GRIN2B: variants seen among roughly 807,000 people sequenced by gnomAD.
GRIN2B encodes the protein glutamate ionotropic receptor NMDA type subunit 2B.
A neutral mutation model predicts 114.5 loss-of-function variants in GRIN2B; 5 were observed. That is an observed-to-expected ratio of 0.04 (90% CI 0.02 to 0.09). The LOEUF (loss-of-function observed/expected upper bound fraction) is 0.09, where lower values mean the gene tolerates loss of function less well. Ranked by LOEUF, GRIN2B falls within the 10% of genes least tolerant of loss-of-function variation. The pLI is 1.00. For synonymous variants in GRIN2B, 787 were observed against 745.1 expected, an observed-to-expected ratio of 1.06 and a Z score of -0.92; for missense variants, 1,108 against 1,943.5, an observed-to-expected ratio of 0.57 and a Z score of 8.08.
chr12:13,563,080 A>G lies in GRIN2B; in HGVS notation c.4158T>C (p.Pro1386=), dbSNP rs200783471. The G allele has an allele frequency of 2.8e-5, 45 of 1,614,056 alleles. No individual in the cohort carries two copies. The highest frequency in any genetic ancestry group is 3.7e-5 in the Non-Finnish European group (44 of 1,180,036). Residue 1386 remains proline (P), a synonymous_variant, in exon 14 of 14, where the codon CCT becomes CCC. Coordinates refer to ENST00000609686, the MANE Select transcript of GRIN2B (RefSeq NM_000834.5). ...SLYPDRVTQN[P]FIPTFGDDQC... ...GGTCGTCCCCAAAAGTGGGGATGAA[A>G]GGGTTTTGCGTGACCCGGTCAGGGT...
Position 13,540,951 on chromosome 12 carries a change from A to T in GRIN2B, c.*21832T>A, listed in dbSNP as rs11055516. 20,768 of 152,160 alleles carry T rather than the reference A, an allele frequency of 0.14. 1,549 individuals carry two copies. Among genetic ancestry groups the T allele is most frequent in the South Asian group, 0.28 (1,370 of 4,814 alleles). The allele number at this position is 152,160 out of a possible 1,614,324, so 9.4% of individuals were successfully genotyped here. Reference sequence around the variant, plus strand: ...GACTTTGGGAGGGGTGCAGCTGTGAATTTGCAACGCAACCCCATAGTGGAT... The same window carrying T: ...GACTTTGGGAGGGGTGCAGCTGTGATTTTGCAACGCAACCCCATAGTGGAT... On this transcript the variant is annotated 3_prime_UTR_variant, in exon 14 of 14. Transcript: ENST00000609686.
intron 4 of GRIN2B, among the ~76,000 whole-genome samples, chr12:13,700,213 A>G (rs1375732969): frequency 2.0e-5 from 3 of 152,136 alleles, no homozygotes; most frequent in Non-Finnish European, 2.9e-5. Flanking sequence ...ATTTTCCAGG[A>G]TTTGAAAGAG....
intron 3 of GRIN2B, among the ~76,000 whole-genome samples, chr12:13,835,714 G>T (rs1354851724): frequency 6.9e-6 from 1 of 145,434 alleles, no homozygotes; most frequent in East Asian, 2.0e-4. Flanking sequence ...CAGGGAGAAA[G>T]GCAGGGATGG....
intron 5 of GRIN2B, among the ~76,000 whole-genome samples, chr12:13,638,456 G>T (rs1324985211): frequency 1.3e-5 from 2 of 152,104 alleles, no homozygotes; most frequent in South Asian, 2.1e-4. Flanking sequence ...ACAGAAGGGG[G>T]TTATTGGCAG....
intron 2 of GRIN2B, among the ~76,000 whole-genome samples, chr12:13,897,986 A>ATAT: frequency 7.2e-6 from 1 of 139,382 alleles, no homozygotes; most frequent in South Asian, 2.3e-4. Context: ...AACTTAAAGT[A>ATAT]TAATAATAAA....
chr12:13,754,200 C>T (rs752033081), intron 3 of GRIN2B, among the ~76,000 whole-genome samples: 19 of 152,148 alleles, frequency 1.2e-4, no homozygotes, highest in Non-Finnish European at 2.2e-4. Context: ...CCTAGGGAAG[C>T]TCCCTAAAAT....
At chr12:13,690,315 A>ACACACACG (rs1555121789) in intron 4 of GRIN2B, among the ~76,000 whole-genome samples, 1 of 145,348 alleles carries the variant, frequency 6.9e-6, no homozygotes, top group Admixed American at 6.9e-5. Context: ...ACACACACAC[A>ACACACACG]CATGCACACG....
chr12:13,724,234 A>G (rs1862935661), intron 4 of GRIN2B, among the ~76,000 whole-genome samples: 1 of 152,118 alleles, frequency 6.6e-6, no homozygotes, highest in African/African-American at 2.4e-5. Context: ...TAGCACAACT[A>G]CAGCTGGAAA....
chr12:13,900,962 C>T (rs1380160235), intron 2 of GRIN2B, among the ~76,000 whole-genome samples: 1 of 152,100 alleles, frequency 6.6e-6, no homozygotes, highest in Non-Finnish European at 1.5e-5. Context: ...TGGGTTGATT[C>T]CAACTTGGGG....
intron 3 of GRIN2B, among the ~76,000 whole-genome samples, chr12:13,797,913 A>C (rs934620102): frequency 2.6e-5 from 4 of 152,210 alleles, no homozygotes; most frequent in African/African-American, 9.6e-5. Context: ...ATATTCTAGT[A>C]ATATTTAATT....
At chr12:13,659,454 A>C (rs1591662872) in intron 5 of GRIN2B, among the ~76,000 whole-genome samples, 1 of 152,260 alleles carries the variant, frequency 6.6e-6, no homozygotes, top group East Asian at 1.9e-4. Flanking sequence ...CTGCTGGATG[A>C]ATTTTTTGAA....
chr12:13,856,375 A>G (rs945218061), intron 3 of GRIN2B, among the ~76,000 whole-genome samples: 1 of 152,146 alleles, frequency 6.6e-6, no homozygotes, highest in Non-Finnish European at 1.5e-5. Context: ...TAAGCAAAAA[A>G]GTAATAATAG....
chr12:13,664,103 G>A (rs1056621198), intron 5 of GRIN2B, among the ~76,000 whole-genome samples: 2 of 152,128 alleles, frequency 1.3e-5, no homozygotes, highest in Non-Finnish European at 2.9e-5. Flanking sequence ...ACCAAAATAT[G>A]GTTTCTCTTG....
chr12:13,773,561 CT>C (rs1388956881), intron 3 of GRIN2B, among the ~76,000 whole-genome samples: 1 of 152,154 alleles, frequency 6.6e-6, no homozygotes, highest in Non-Finnish European at 1.5e-5. Flanking sequence ...GAGTAAAAGA[CT>C]TTTGGAGTAT....
chr12:13,970,631 A>C (rs1191374513), intron 2 of GRIN2B, among the ~76,000 whole-genome samples: 1 of 151,668 alleles, frequency 6.6e-6, no homozygotes, highest in Non-Finnish European at 1.5e-5. Flanking sequence ...TGATCACTTT[A>C]ACAAATTTGA....
rs71436778 is a variant in GRIN2B, at chr12:13,868,455, T to TACACACACAC, written c.-18-2239_-18-2230dup. 2.6e-3 allele frequency among the ~76,000 whole-genome samples: 389 copies of TACACACACAC among 148,890 alleles called. 3 individuals are homozygous for TACACACACAC. In the South Asian group the frequency reaches 0.029, roughly 11 times the overall value. ...ACACCACAAAGAGCTGTGGACAAAGTACACACACACACACACACACACACA... is the reference window on the plus strand; with the variant it reads ...ACACCACAAAGAGCTGTGGACAAAGTACACACACACACACACACACACACACACACACACA... On this transcript the variant is annotated intron_variant, in intron 2 of 13. Coordinates refer to ENST00000609686, the MANE Select transcript of GRIN2B (RefSeq NM_000834.5).
intron 2 of GRIN2B, among the ~76,000 whole-genome samples, chr12:13,921,644 T>G (rs1057346397): frequency 6.6e-6 from 1 of 152,124 alleles, no homozygotes; most frequent in African/African-American, 2.4e-5. Flanking sequence ...ACAGCAGTAT[T>G]GGGGAGGTTG....
chr12:13,704,687 C>T (rs1267847955), intron 4 of GRIN2B, among the ~76,000 whole-genome samples: 2 of 152,038 alleles, frequency 1.3e-5, no homozygotes, highest in African/African-American at 4.8e-5. Flanking sequence ...ATTTCTTCTC[C>T]CCATGGCTGC....
intron 3 of GRIN2B, among the ~76,000 whole-genome samples, chr12:13,815,961 G>GCACA (rs113971389): frequency 2.6e-5 from 4 of 151,642 alleles, no homozygotes; most frequent in African/African-American, 7.3e-5. Flanking sequence ...ATGCACATGT[G>GCACA]CACACACACA....
Sources: allele counts gnomAD v4.1 joint callset (sites outside exome capture counted in the v4.1 genomes callset), GRCh38; gene constraint gnomAD v4.1.1; transcripts MANE v1.5; gene names NCBI Gene and HGNC (gene_info 2026-07-23, HGNC 2026-07-21).